Variants in PARM1 observed in about 807,000 individuals in gnomAD.
The protein encoded by PARM1 is WSC4, cell wall integrity and stress response component 4 homolog.
Under a neutral mutation model 24.6 loss-of-function variants are expected in PARM1, and 14 were observed. The ratio of observed to expected loss-of-function variants is 0.57; its 90% CI spans 0.38 to 0.89. The LOEUF is 0.89. Ranked by LOEUF, PARM1 falls within the 40% of genes least tolerant of loss-of-function variation. The pLI is 0.00. For missense variants in PARM1, 362 were observed against 380.4 expected, an observed-to-expected ratio of 0.95 and a Z score of 0.40; for synonymous variants, 179 against 156.6, an observed-to-expected ratio of 1.14 and a Z score of -1.07.
At chr4:74,991,821 A>C (rs1722478605) in intron 1 of PARM1, among the ~76,000 whole-genome samples, 1 of 152,218 alleles carries the variant, frequency 6.6e-6, no homozygotes, top group African/African-American at 2.4e-5. Context: ...AAATGTTTCT[A>C]AGTAACTTAC....
intron 3 of PARM1, among the ~76,000 whole-genome samples, chr4:75,042,842 C>A (rs543043762): frequency 5.3e-5 from 8 of 152,076 alleles, no homozygotes; most frequent in African/African-American, 1.7e-4. Context: ...GGTAAATAAG[C>A]CCTATGGGTT....
At chr4:75,007,278 G>A (rs1477919225) in intron 1 of PARM1, among the ~76,000 whole-genome samples, 1 of 152,186 alleles carries the variant, frequency 6.6e-6, no homozygotes, top group Non-Finnish European at 1.5e-5. Flanking sequence ...CTGTTAGTGG[G>A]ACTGTAGACA....
intron 1 of PARM1, chr4:74,965,525 A>G (rs1415531559): frequency 6.6e-6 from 1 of 152,134 alleles, no homozygotes; most frequent in Non-Finnish European, 1.5e-5. Flanking sequence ...TCCTTTCCCC[A>G]CCTTCCCGTA....
chr4:75,002,308 G>A (rs930461424), intron 1 of PARM1, among the ~76,000 whole-genome samples: 4 of 152,186 alleles, frequency 2.6e-5, no homozygotes, highest in Non-Finnish European at 4.4e-5. Flanking sequence ...TTTGCCAGGG[G>A]CTGCAGGGTT....
At chr4:74,964,024 A>C (rs1721838089) in intron 1 of PARM1, among the ~76,000 whole-genome samples, 1 of 152,176 alleles carries the variant, frequency 6.6e-6, no homozygotes, top group South Asian at 2.1e-4. Flanking sequence ...ATCAGTCTTT[A>C]ACTGCAAATG....
rs774680116 is a variant in PARM1, at chr4:75,012,530, A to T, written c.149A>T (p.Asp50Val). The T allele has an allele frequency of 6.2e-7, 1 of 1,613,940 alleles. No individual in the cohort carries two copies. The highest frequency in any genetic ancestry group is 8.5e-7 in the Non-Finnish European group (1 of 1,179,880). The change falls in exon 2 of 4, where the codon GAT becomes GTT. Residue 50 changes from aspartate (D) to valine (V), a missense_variant. Transcript: ENST00000307428. Reference sequence around the variant, plus strand: ...TGGACTAGCTCTCCACAAAACACTGATGCAGACACTGCCTCCCCATCCAAC... The same window carrying T: ...TGGACTAGCTCTCCACAAAACACTGTTGCAGACACTGCCTCCCCATCCAAC... ...TIWTSSPQNT[D>V]ADTASPSNGT...
intron 3 of PARM1, among the ~76,000 whole-genome samples, chr4:75,036,571 T>C (rs1723376226): frequency 6.6e-6 from 1 of 152,200 alleles, no homozygotes; most frequent in African/African-American, 2.4e-5. Flanking sequence ...AGGAAGACAG[T>C]CCTTGATAGA....
intron 1 of PARM1, among the ~76,000 whole-genome samples, chr4:74,955,468 A>G (rs1389037598): frequency 2.0e-5 from 3 of 152,256 alleles, no homozygotes; most frequent in East Asian, 1.9e-4. Flanking sequence ...AACATTATGT[A>G]TATGTACTTA....
chr4:74,960,738 C>G (rs1721752419), intron 1 of PARM1, among the ~76,000 whole-genome samples: 1 of 151,972 alleles, frequency 6.6e-6, no homozygotes, highest in Non-Finnish European at 1.5e-5. Context: ...AAACAATTGT[C>G]TTAAAGGTGC....
At position 75,024,847 on chromosome 4, in the gene PARM1, C is replaced by T. The variant is rs183425690; in HGVS notation, c.770-9036C>T. Among the ~76,000 whole-genome samples, 463 of 152,186 alleles carry T rather than the reference C, an allele frequency of 3.0e-3. 1 individual carries two copies. The highest frequency in any genetic ancestry group is 4.4e-3 in the Non-Finnish European group (301 of 68,002). On this transcript the variant is annotated intron_variant, in intron 2 of 3. Coordinates refer to ENST00000307428, the MANE Select transcript of PARM1 (RefSeq NM_015393.4). ...CTGAATAGCTGGAATTACAGGTGTC[C>T]GCCACCACGCCCCGCTAATTATTGT...
chr4:74,969,368 C>T (rs1224716250), intron 1 of PARM1: 2 of 152,136 alleles, frequency 1.3e-5, no homozygotes, highest in Non-Finnish European at 2.9e-5. Flanking sequence ...GACTTAAATG[C>T]CAGAAAATAT....
intron 3 of PARM1, among the ~76,000 whole-genome samples, chr4:75,039,575 A>G (rs1723438934): frequency 6.6e-6 from 1 of 152,118 alleles, no homozygotes; most frequent in Admixed American, 6.6e-5. Flanking sequence ...TCATCCCCAT[A>G]GATTCAGATT....
At chr4:74,946,402 G>T (rs1400035332) in intron 1 of PARM1, among the ~76,000 whole-genome samples, 1 of 152,060 alleles carries the variant, frequency 6.6e-6, no homozygotes, top group Non-Finnish European at 1.5e-5. Context: ...CTCCTAAATG[G>T]TCACCCGTTT....
chr4:75,014,167 CAA>C (rs1722933299), intron 2 of PARM1, among the ~76,000 whole-genome samples: 1 of 152,124 alleles, frequency 6.6e-6, no homozygotes, highest in Non-Finnish European at 1.5e-5. Flanking sequence ...CAACTTTTAA[CAA>C]ACAATTGATA....
chr4:75,045,038 T>C (rs764407567), intron 3 of PARM1, among the ~76,000 whole-genome samples: 1 of 152,080 alleles, frequency 6.6e-6, no homozygotes, highest in African/African-American at 2.4e-5. Context: ...GAGATTTGGG[T>C]GGGGACACAG....
intron 2 of PARM1, among the ~76,000 whole-genome samples, chr4:75,016,196 AAG>A (rs377148681): frequency 3.9e-5 from 6 of 152,226 alleles, no homozygotes; most frequent in African/African-American, 1.4e-4. Context: ...TTTGAGCCTA[AAG>A]AGAGATGAAG....
At chr4:74,966,557 A>T in intron 1 of PARM1, among the ~76,000 whole-genome samples, 1 of 152,326 alleles carries the variant, frequency 6.6e-6, no homozygotes, top group East Asian at 1.9e-4. Flanking sequence ...ATTACTTGGC[A>T]GAATTCTTGC....
intron 1 of PARM1, among the ~76,000 whole-genome samples, chr4:74,993,200 A>G (rs1722512526): frequency 2.0e-5 from 3 of 152,120 alleles, no homozygotes; most frequent in Admixed American, 1.3e-4. Flanking sequence ...GAAGCAATCT[A>G]CCATTTTGTG....
intron 1 of PARM1, among the ~76,000 whole-genome samples, chr4:74,992,743 C>T (rs1722502296): frequency 6.6e-6 from 1 of 152,078 alleles, no homozygotes; most frequent in South Asian, 2.1e-4. Flanking sequence ...GAATTCTATA[C>T]CCAGCAAGAA....
Sources: allele counts gnomAD v4.1 joint callset (sites outside exome capture counted in the v4.1 genomes callset), GRCh38; gene constraint gnomAD v4.1.1; transcripts MANE v1.5; gene names NCBI Gene and HGNC (gene_info 2026-07-23, HGNC 2026-07-21).